The following NALF1 variants were observed in gnomAD, a reference collection of about 807,000 sequenced individuals.
The protein encoded by NALF1 is NALCN channel auxiliary factor 1, also known as family with sequence similarity 155 member A.
A neutral mutation model predicts 48.4 loss-of-function variants in NALF1; 3 were observed. The ratio of observed to expected loss-of-function variants is 0.06; its 90% confidence interval spans 0.03 to 0.16. NALF1 has a LOEUF of 0.16. Among genes scored for constraint, NALF1 ranks in the 10% least tolerant of loss-of-function variants. The probability of loss-of-function intolerance (pLI) is 1.00; values close to 1 mark genes in which losing one functional copy is unlikely to be tolerated. For missense variants in NALF1, 526 were observed against 571.5 expected, an observed-to-expected ratio of 0.92 and a Z score of 0.81; for synonymous variants, 262 against 245.7, an observed-to-expected ratio of 1.07 and a Z score of -0.62.
chr13:107,309,378 A>C (rs1365549067), intron 1 of NALF1, among the ~76,000 whole-genome samples: 1 of 152,216 alleles, frequency 6.6e-6, no homozygotes, highest in Non-Finnish European at 1.5e-5. Flanking sequence ...ATTATGACCA[A>C]AACTATTTCT....
intron 1 of NALF1, among the ~76,000 whole-genome samples, chr13:107,517,312 C>T (rs564956200): frequency 2.6e-5 from 4 of 151,988 alleles, no homozygotes; most frequent in Non-Finnish European, 5.9e-5. Context: ...AATTTACTCC[C>T]CCATGTTACT....
intron 1 of NALF1, among the ~76,000 whole-genome samples, chr13:107,632,333 G>T (rs1280170584): frequency 6.6e-6 from 1 of 152,084 alleles, no homozygotes; most frequent in Admixed American, 6.5e-5. Flanking sequence ...TGATGCTTCT[G>T]GATTCTGGTT....
At chr13:107,674,549 T>C (rs1426521468) in intron 1 of NALF1, among the ~76,000 whole-genome samples, 2 of 152,204 alleles carry the variant, frequency 1.3e-5, no homozygotes, top group East Asian at 3.9e-4. Flanking sequence ...TTAAATAGCA[T>C]TTATTGAGTC....
At chr13:107,726,987 T>C (rs1876175744) in intron 1 of NALF1, among the ~76,000 whole-genome samples, 1 of 151,166 alleles carries the variant, frequency 6.6e-6, no homozygotes, top group African/African-American at 2.4e-5. Flanking sequence ...TTCTTTTGTA[T>C]TTTTAGGAGA....
chr13:107,572,357 C>T (rs1878012045), intron 1 of NALF1, among the ~76,000 whole-genome samples: 1 of 151,986 alleles, frequency 6.6e-6, no homozygotes, highest in Non-Finnish European at 1.5e-5. Flanking sequence ...ACTTACTGCC[C>T]ATTATAAATG....
chr13:107,783,000 C>G (rs1169484581), intron 1 of NALF1, among the ~76,000 whole-genome samples: 2 of 147,990 alleles, frequency 1.4e-5, no homozygotes, highest in African/African-American at 5.0e-5. Context: ...CCAGCCGCCC[C>G]GTCCGGGAGG....
chr13:107,208,992 G>A (rs1295786437), intron 2 of NALF1, among the ~76,000 whole-genome samples: 2 of 152,038 alleles, frequency 1.3e-5, no homozygotes, highest in Non-Finnish European at 2.9e-5. Context: ...TCACTTTCTC[G>A]TGTGCAACGG....
intron 1 of NALF1, among the ~76,000 whole-genome samples, chr13:107,361,834 C>G (rs9520399): frequency 0.55 from 83,686 of 151,652 alleles, 23,212 homozygotes; most frequent in Middle Eastern, 0.72. Flanking sequence ...CGCTGGTCTT[C>G]GCACTTTGCA....
chr13:107,726,771 C>T (rs113612724), intron 1 of NALF1, among the ~76,000 whole-genome samples: 64 of 140,762 alleles, frequency 4.5e-4, no homozygotes, highest in South Asian at 1.9e-3. Flanking sequence ...CCACCACATG[C>T]GGCTAATTTT....
At chr13:107,753,254 C>G (rs1479186058) in intron 1 of NALF1, among the ~76,000 whole-genome samples, 1 of 152,118 alleles carries the variant, frequency 6.6e-6, no homozygotes, top group Non-Finnish European at 1.5e-5. Context: ...CTTTTCTAAG[C>G]TTTTATAGTC....
At chr13:107,423,997 A>C (rs1268857078) in intron 1 of NALF1, among the ~76,000 whole-genome samples, 1 of 152,080 alleles carries the variant, frequency 6.6e-6, no homozygotes, top group East Asian at 1.9e-4. Context: ...AGGCTACTAG[A>C]TTTAGCATCC....
chr13:107,841,150 TTTTAAAATTTG>T (rs1265228852), intron 1 of NALF1, among the ~76,000 whole-genome samples: 10 of 152,202 alleles, frequency 6.6e-5, no homozygotes, highest in Admixed American at 4.6e-4. Context: ...ACAAGATATT[TTTTAAAATTTG>T]TTAAATCATG....
chr13:107,793,233 AT>A (rs1308205087), intron 1 of NALF1, among the ~76,000 whole-genome samples: 3 of 152,086 alleles, frequency 2.0e-5, no homozygotes, highest in African/African-American at 7.2e-5. Context: ...AGGGCTGTTG[AT>A]TTTTTCATAC....
chr13:107,171,462 C>A (rs996571384), intron 2 of NALF1, among the ~76,000 whole-genome samples: 1 of 152,174 alleles, frequency 6.6e-6, no homozygotes, highest in African/African-American at 2.4e-5. Context: ...TGCTGTTCAT[C>A]TTCTCATTTG....
chr13:107,303,642 T>G (rs1296793891), intron 1 of NALF1, among the ~76,000 whole-genome samples: 1 of 152,204 alleles, frequency 6.6e-6, no homozygotes, highest in African/African-American at 2.4e-5. Context: ...ATGTAGATTT[T>G]TTTCCCACAG....
At chr13:107,316,148 T>C (rs935765581) in intron 1 of NALF1, among the ~76,000 whole-genome samples, 1 of 152,106 alleles carries the variant, frequency 6.6e-6, no homozygotes, top group Non-Finnish European at 1.5e-5. Context: ...ACATGCAGTG[T>C]TTGGTTTTTT....
chr13:107,229,270 T>A (rs573045410), intron 1 of NALF1, among the ~76,000 whole-genome samples: 14 of 152,120 alleles, frequency 9.2e-5, no homozygotes, highest in Non-Finnish European at 1.6e-4. Flanking sequence ...GAAATACATG[T>A]TCATCTACAA....
chr13:107,614,171 A>T (rs1295877844), intron 1 of NALF1, among the ~76,000 whole-genome samples: 1 of 152,206 alleles, frequency 6.6e-6, no homozygotes, highest in Non-Finnish European at 1.5e-5. Flanking sequence ...GAAAATACCA[A>T]ATCTCTCATA....
chr13:107,378,824 T>G (rs1883383945), intron 1 of NALF1, among the ~76,000 whole-genome samples: 1 of 152,208 alleles, frequency 6.6e-6, no homozygotes, highest in South Asian at 2.1e-4. Context: ...TTCCAAATTT[T>G]AAAATATTAT....
Sources: allele counts gnomAD v4.1 joint callset (sites outside exome capture counted in the v4.1 genomes callset), GRCh38; gene constraint gnomAD v4.1.1; transcripts MANE v1.5; gene names NCBI Gene and HGNC (gene_info 2026-07-23, HGNC 2026-07-21).